TPX2: variants seen among roughly 807,000 people sequenced by gnomAD.
TPX2 encodes TPX2 microtubule nucleation factor, also known as targeting protein for Xklp2.
In TPX2, 21 loss-of-function variants were observed where a neutral mutation model predicts 93.6. The observed-to-expected ratio is 0.22, with a 90% CI of 0.16 to 0.32. TPX2 has a LOEUF of 0.32. Ranked by LOEUF, TPX2 falls within the 10% of genes least tolerant of loss-of-function variation. TPX2 has a pLI of 1.00. For missense variants in TPX2, 776 were observed against 871.1 expected (o/e 0.89, Z 1.37); for synonymous variants, 281 against 298.3 (o/e 0.94, Z 0.60).
At chr20:31,743,627 T>G (rs2061766006) in intron 2 of TPX2, among the ~76,000 whole-genome samples, 2 of 151,828 alleles carry the variant, frequency 1.3e-5, no homozygotes, top group Admixed American at 1.3e-4. Flanking sequence ...CCAAGGAGTT[T>G]GAGGTTACGG....
chr20:31,799,125 G>C (rs769772854), intron 17 of TPX2, among the ~76,000 whole-genome samples: 1 of 152,138 alleles, frequency 6.6e-6, no homozygotes, highest in Non-Finnish European at 1.5e-5. Context: ...AGTGTTCGTC[G>C]CTCCAGGTAA....
intron 6 of TPX2, 96 bp downstream of exon 6, chr20:31,770,567 T>G (rs2123025023): frequency 8.6e-7 from 1 of 1,164,774 alleles, no homozygotes; most frequent in Non-Finnish European, 1.1e-6. Flanking sequence ...TTAGATTGAA[T>G]AGATTAAAAT....
chr20:31,782,301 T>G lies in TPX2; in HGVS notation c.1107T>G (p.Thr369=), dbSNP rs201695206. Residue 369 remains threonine, a synonymous_variant, in exon 11 of 18, where the codon ACT becomes ACG. Coordinates refer to ENST00000300403, the MANE Select transcript of TPX2 (RefSeq NM_012112.5). ...CCAAGATTTGCAGAGACCCACAGAC[T>G]CCTGTACTGCAAACCAAACACCGTG... ...SVTKICRDPQ[T]PVLQTKHRAR... The G allele has an allele frequency of 6.2e-7, 1 of 1,613,962 alleles. No individual in the cohort carries two copies. Among genetic ancestry groups the G allele is most frequent in the East Asian group, 2.2e-5 (1 of 44,860 alleles).
chr20:31,794,755 A>AGT (rs35018680), intron 15 of TPX2, among the ~76,000 whole-genome samples: 35,604 of 145,308 alleles, frequency 0.25, 4,261 homozygotes, highest in Non-Finnish European at 0.26. Context: ...TCTGTCGCAT[A>AGT]GTGTGTGTGT....
In TPX2 at chr20:31,782,292, C is replaced by A; in HGVS notation, c.1098C>A (p.Asp366Glu). The change falls in exon 11 of 18, where the codon GAC becomes GAA. Residue 366 changes from aspartate (D) to glutamate (E), a missense_variant. Transcript: ENST00000300403. ...CTTCTGTGACCAAGATTTGCAGAGA[C>A]CCACAGACTCCTGTACTGCAAACCA... Reference protein sequence around the residue: ...SKSSVTKICRDPQTPVLQTKH... With the variant: ...SKSSVTKICREPQTPVLQTKH... 1 of 1,613,644 alleles carries A rather than the reference C, an allele frequency of 6.2e-7. No homozygotes were observed. Among genetic ancestry groups the A allele is most frequent in the Non-Finnish European group, 8.5e-7 (1 of 1,179,808 alleles).
chr20:31,796,356 A>G (rs2062138800), intron 15 of TPX2, among the ~76,000 whole-genome samples: 1 of 152,248 alleles, frequency 6.6e-6, no homozygotes, highest in South Asian at 2.1e-4. Flanking sequence ...TATTTAAAAT[A>G]TAAAGACTTA....
chr20:31,766,766 A>G (rs1021478328), intron 5 of TPX2, 84 bp downstream of exon 5: 1 of 1,259,468 alleles, frequency 7.9e-7, no homozygotes, highest in Admixed American at 2.5e-5. Flanking sequence ...TTATGTGTCT[A>G]TACTGTGTTT....
At position 31,786,401 on chromosome 20, in the gene TPX2, T is replaced by TTTTTTTTTTTTTTG. The variant is rs1555787857; in HGVS notation, c.1413+2493_1413+2494insGTTTTTTTTTTTTT. 5.4e-3 allele frequency among the ~76,000 whole-genome samples: 622 copies of TTTTTTTTTTTTTTG among 115,632 alleles called. 4 individuals carry two copies. The highest frequency in any genetic ancestry group is 0.022 in the African/African-American group (594 of 26,748). 75.9% of individuals were successfully genotyped at this position (115,632 alleles called of 152,430 possible). The stretch of plus-strand genomic sequence containing the variant: ...AGCATCAGTCACACCTGAACTACTG[T>TTTTTTTTTTTTTTG]TTTTTTTTTTTTTTGAGACAATCTC... On this transcript the variant is annotated intron_variant, in intron 12 of 17. Transcript: ENST00000300403.
At chr20:31,785,124 G>C (rs2062057225) in intron 12 of TPX2, among the ~76,000 whole-genome samples, 1 of 152,188 alleles carries the variant, frequency 6.6e-6, no homozygotes, top group African/African-American at 2.4e-5. Flanking sequence ...ATTATGCTTA[G>C]AAATGGTTCT....
At chr20:31,776,206 G>T (rs887377843) in intron 8 of TPX2, among the ~76,000 whole-genome samples, 1 of 150,712 alleles carries the variant, frequency 6.6e-6, no homozygotes, top group African/African-American at 2.4e-5. Context: ...TCAGCCTCCC[G>T]AGTAGCTGGG....
In TPX2 at chr20:31,771,650, T is replaced by G; in HGVS notation, c.576T>G (p.Gly192=). The G allele has an allele frequency of 6.2e-7, 1 of 1,613,586 alleles. No homozygotes were observed. Among genetic ancestry groups the G allele is most frequent in the South Asian group, 1.1e-5 (1 of 90,940 alleles). ...CATCTTCCCCAGAGAAAGCCAAGGG[T>G]AGACATACTGTGCCTTGTATGCCAC... The part of the protein sequence containing the change: ...KNASSPEKAK[G]RHTVPCMPPA... The change falls in exon 7 of 18, where the codon GGT becomes GGG. Residue 192 remains glycine, a synonymous_variant. Transcript: ENST00000300403.
chr20:31,771,832 C>G (rs535087738), intron 7 of TPX2, 150 bp downstream of exon 7: 1 of 760,084 alleles, frequency 1.3e-6, no homozygotes, highest in Non-Finnish European at 2.0e-6. Flanking sequence ...CTGATGGGTG[C>G]TCAGATTTTT....
In TPX2 at chr20:31,739,599, C is replaced by T. The variant is rs1194051035; in HGVS notation, c.-200C>T. 1 of 152,184 alleles carries T rather than the reference C, an allele frequency of 6.6e-6. No individual in the cohort carries two copies. The highest frequency in any genetic ancestry group is 1.5e-5 in the Non-Finnish European group (1 of 68,040). 9.4% of individuals were successfully genotyped at this position (152,184 alleles called of 1,614,324 possible). On this transcript the variant is annotated 5_prime_UTR_variant, in exon 1 of 18. Transcript: ENST00000300403. ...GGGAAACGGAGGAAAAAAAGAGTTG[C>T]GGGAGGCTGTCGGCTAATAACGGTA...
intron 2 of TPX2, among the ~76,000 whole-genome samples, chr20:31,750,955 T>A (rs2061816278): frequency 6.6e-6 from 1 of 152,088 alleles, no homozygotes; most frequent in South Asian, 2.1e-4. Context: ...TTGCCCACGT[T>A]AGAGTGCAGT....
At chr20:31,741,705 T>C (rs1005879403) in intron 1 of TPX2, among the ~76,000 whole-genome samples, 1 of 152,168 alleles carries the variant, frequency 6.6e-6, no homozygotes, top group African/African-American at 2.4e-5. Context: ...GGTCTCAATC[T>C]CCTGACCTCG....
At chr20:31,753,254 T>G (rs748485544) in intron 2 of TPX2, among the ~76,000 whole-genome samples, 3 of 152,232 alleles carry the variant, frequency 2.0e-5, no homozygotes, top group Non-Finnish European at 1.5e-5. Context: ...GAAAGAACAT[T>G]GTGCTGAAGT....
chr20:31,758,817 C>T (rs965098165), intron 3 of TPX2, among the ~76,000 whole-genome samples: 2 of 152,054 alleles, frequency 1.3e-5, no homozygotes, highest in African/African-American at 4.8e-5. Flanking sequence ...GGGGATCTTC[C>T]CCATGCCCTT....
intron 5 of TPX2, among the ~76,000 whole-genome samples, chr20:31,767,360 C>T (rs1470515385): frequency 6.7e-6 from 1 of 150,334 alleles, no homozygotes; most frequent in East Asian, 1.9e-4. Context: ...TTCTGTATTA[C>T]TTTAGCTCTC....
At chr20:31,760,328 C>T in intron 4 of TPX2, 149 bp downstream of exon 4, 1 of 1,070,120 alleles carries the variant, frequency 9.3e-7, no homozygotes, top group Non-Finnish European at 1.3e-6. Flanking sequence ...AAATGTAAAA[C>T]TAATGATGTG....
Sources: gnomAD v4.1 joint callset for allele counts (sites outside exome capture counted in the v4.1 genomes callset) on GRCh38, gnomAD v4.1.1 for gene constraint, MANE v1.5 for transcripts, NCBI Gene and HGNC (gene_info 2026-07-23, HGNC 2026-07-21) for gene names.